Variants in NUCKS1 observed in about 807,000 individuals in gnomAD.
NUCKS1 encodes nuclear ubiquitous casein and cyclin-dependent kinase substrate 1.
A neutral mutation model predicts 33.0 loss-of-function variants in NUCKS1; 2 were observed. The ratio of observed to expected loss-of-function variants is 0.06; its 90% CI spans 0.02 to 0.19. The LOEUF is 0.19. Among genes scored for constraint, NUCKS1 ranks in the 10% least tolerant of loss-of-function variants. NUCKS1 has a pLI of 1.00. For missense variants in NUCKS1, 201 were observed against 293.6 expected (o/e 0.68, Z 2.31); for synonymous variants, 106 against 102.8 (o/e 1.03, Z -0.19).
At chr1:205,741,297 C>CAAAAAAAAAAAAAAAAAAAA (rs56979923) in intron 1 of NUCKS1, among the ~76,000 whole-genome samples, 12 of 78,916 alleles carry the variant, frequency 1.5e-4, no homozygotes, top group East Asian at 3.4e-4. Context: ...GAGACTGTCT[C>CAAAAAAAAAAAAAAAAAAAA]AAAAAAAAAA....
At position 205,747,997 on chromosome 1, in the gene NUCKS1, G is replaced by GA. The variant is rs1180510562; in HGVS notation, c.17+1959dup. On this transcript the variant is annotated intron_variant, in intron 1 of 6. Coordinates refer to ENST00000367142, the MANE Select transcript of NUCKS1 (RefSeq NM_022731.5). ...AAATTAATAATTTGAAAATGGCAAA[G>GA]AAAAAAAAAAACAGCCCACAACATA... is the stretch of plus-strand genomic sequence containing the variant. Among the ~76,000 whole-genome samples, 1,007 of 140,044 alleles carry GA rather than the reference G, an allele frequency of 7.2e-3. 6 individuals are homozygous for GA. The highest frequency in any genetic ancestry group is 0.019 in the African/African-American group (732 of 38,450). 91.9% of individuals were successfully genotyped at this position (140,044 alleles called of 152,430 possible).
chr1:205,738,232 T>C (rs1654075718), intron 1 of NUCKS1, among the ~76,000 whole-genome samples: 1 of 152,112 alleles, frequency 6.6e-6, no homozygotes, highest in Admixed American at 6.6e-5. Flanking sequence ...TCCATCATGT[T>C]GGCCAGGCTG....
Position 205,719,790 on chromosome 1 carries a change from TG to T in NUCKS1, c.383-115del, listed in dbSNP as rs886170299. 51 of 1,137,298 alleles carry T rather than the reference TG, an allele frequency of 4.5e-5. No homozygotes were observed. In the African/African-American group the frequency reaches 7.5e-4, roughly 17 times the overall value. 70.5% of individuals were successfully genotyped at this position (1,137,298 alleles called of 1,614,324 possible). A position where few individuals can be genotyped will look rare whatever the true frequency, so the allele number is the denominator to read the frequency against. Reference sequence around the variant, plus strand: ...ATGGGATTTGGGAGTCAAACACCCTTGGATTCTATTTGGAGCTGTACTACCA... The same window carrying T: ...ATGGGATTTGGGAGTCAAACACCCTTGATTCTATTTGGAGCTGTACTACCA... On this transcript the variant is annotated intron_variant, in intron 5 of 6. Coordinates refer to ENST00000367142, the MANE Select transcript of NUCKS1 (RefSeq NM_022731.5).
Position 205,750,015 on chromosome 1 carries a change from A to AGGGG in NUCKS1, c.-43_-42insCCCC. On this transcript the variant is annotated 5_prime_UTR_variant, in exon 1 of 7. Transcript: ENST00000367142. ...GGACCGAGTCGAGAAGCCAAAGACC[A>AGGGG]GGACCCCCCCCACCCCGCGCGCTCG... 1 of 1,506,272 alleles carries AGGGG rather than the reference A, an allele frequency of 6.6e-7. No homozygotes were observed. Among genetic ancestry groups the AGGGG allele is most frequent in the Non-Finnish European group, 9.0e-7 (1 of 1,114,418 alleles). The allele number at this position is 1,506,272 out of a possible 1,614,324, so 93.3% of individuals were successfully genotyped here. A position where few individuals can be genotyped will look rare whatever the true frequency, so the allele number is the denominator to read the frequency against.
intron 1 of NUCKS1, among the ~76,000 whole-genome samples, 162 bp downstream of exon 1, chr1:205,749,795 C>T (rs963432982): frequency 1.3e-5 from 2 of 151,166 alleles, no homozygotes; most frequent in Non-Finnish European, 3.0e-5. Flanking sequence ...CCCCCGCGCG[C>T]CAGCAGGGCC....
chr1:205,718,615 C>A, intron 6 of NUCKS1, 136 bp from the exon 7 acceptor site: 1 of 1,185,296 alleles, frequency 8.4e-7, no homozygotes. Context: ...AAGGTGGGCA[C>A]AAGGGAGCAC....
intron 3 of NUCKS1, among the ~76,000 whole-genome samples, chr1:205,727,473 T>C (rs764812846): frequency 3.3e-5 from 5 of 152,190 alleles, no homozygotes; most frequent in Admixed American, 6.6e-5. Context: ...GAATGAGATA[T>C]ATCACTTATT....
intron 1 of NUCKS1, among the ~76,000 whole-genome samples, chr1:205,738,440 ATTT>A (rs34617208): frequency 7.1e-6 from 1 of 140,760 alleles, no homozygotes; most frequent in Non-Finnish European, 1.5e-5. Flanking sequence ...TGCCCAGCTA[ATTT>A]TTTTTTTTTT....
Position 205,750,081 on chromosome 1 carries a change from C to G in NUCKS1, c.-108G>C. 9 of 1,079,602 alleles carry G rather than the reference C, an allele frequency of 8.3e-6. No homozygotes were observed. Among genetic ancestry groups the G allele is most frequent in the Non-Finnish European group, 1.2e-5 (9 of 780,432 alleles). 66.9% of individuals were successfully genotyped at this position (1,079,602 alleles called of 1,614,324 possible). A position where few individuals can be genotyped will look rare whatever the true frequency, so the allele number is the denominator to read the frequency against. On this transcript the variant is annotated 5_prime_UTR_variant, in exon 1 of 7. Coordinates refer to ENST00000367142, the MANE Select transcript of NUCKS1 (RefSeq NM_022731.5). ...CGAACTTCAGCCGATGGGACCGCTG[C>G]TGCCGAACCCCGAGCTGCTGGCTTC...
rs1671849011 is a variant in NUCKS1 at position 205,717,778 on chromosome 1, T to A, written c.*502A>T. The A allele has an allele frequency of 1.0e-6, 1 of 985,036 alleles. No individual in the cohort carries two copies. Among genetic ancestry groups the A allele is most frequent in the South Asian group, 4.7e-5 (1 of 21,282 alleles). The allele number at this position is 985,036 out of a possible 1,614,324, so 61.0% of individuals were successfully genotyped here. A position where few individuals can be genotyped will look rare whatever the true frequency, so the allele number is the denominator to read the frequency against. ...GTGTCTATAGACAAATAAACTCATA[T>A]TAGATGACAATTGATTTTTTAAAAG... On this transcript the variant is annotated 3_prime_UTR_variant, in exon 7 of 7. Transcript: ENST00000367142.
intron 1 of NUCKS1, among the ~76,000 whole-genome samples, chr1:205,743,301 TTG>T (rs1654227506): frequency 6.6e-6 from 1 of 152,220 alleles, no homozygotes; most frequent in Non-Finnish European, 1.5e-5. Flanking sequence ...GTAAAATGCT[TTG>T]TGACTGCAAG....
rs1302135371 is a variant in NUCKS1 at position 205,750,134 on chromosome 1, G to A, written c.-161C>T. ...AAACTCCGCTGCTCTTTGGTTCAGG[G>A]CTCCTGGAACAGACGAGCCCCCCGC... On this transcript the variant is annotated 5_prime_UTR_variant, in exon 1 of 7. Coordinates refer to ENST00000367142, the MANE Select transcript of NUCKS1 (RefSeq NM_022731.5). 2.2e-4 allele frequency: 162 copies of A among 748,588 alleles called. 1 individual carries two copies. In the South Asian group the frequency reaches 2.6e-3, roughly 12 times the overall value. 46.4% of individuals were successfully genotyped at this position (748,588 alleles called of 1,614,324 possible).
At chr1:205,748,911 C>T (rs1247523473) in intron 1 of NUCKS1, among the ~76,000 whole-genome samples, 1 of 152,178 alleles carries the variant, frequency 6.6e-6, no homozygotes, top group Admixed American at 6.5e-5. Context: ...TTTAAGGCCT[C>T]AACAGATTGG....
intron 1 of NUCKS1, among the ~76,000 whole-genome samples, chr1:205,733,846 C>T (rs1406514248): frequency 6.6e-6 from 1 of 152,154 alleles, no homozygotes; most frequent in Admixed American, 6.5e-5. Flanking sequence ...GACAGACCTA[C>T]CTACCTATCT....
chr1:205,742,547 G>A (rs1448345182), intron 1 of NUCKS1, among the ~76,000 whole-genome samples: 1 of 152,174 alleles, frequency 6.6e-6, no homozygotes, highest in Admixed American at 6.5e-5. Context: ...TCCTGGGGCC[G>A]GACGCTGTGG....
intron 5 of NUCKS1, 126 bp from the exon 6 acceptor site, chr1:205,719,802 G>C: frequency 1.0e-6 from 1 of 994,186 alleles, no homozygotes; most frequent in Admixed American, 3.1e-5. Flanking sequence ...GATTCTATTT[G>C]GAGCTGTACT....
In NUCKS1 at chr1:205,719,681, GAAGA is replaced by G; in HGVS notation, c.383-9_383-6del. 6.2e-7 allele frequency: 1 copy of G among 1,603,408 alleles called. No individual in the cohort carries two copies. The highest frequency in any genetic ancestry group is 8.5e-7 in the Non-Finnish European group (1 of 1,177,222). ...CTTCATCGCTGCCGGAATCTTCTGA[GAAGA>G]AAGAAGAATTTCAACATCTAACTTA... On this transcript the variant is annotated splice_polypyrimidine_tract_variant and splice_region_variant and intron_variant, in intron 5 of 6. Transcript: ENST00000367142.
intron 1 of NUCKS1, among the ~76,000 whole-genome samples, chr1:205,736,386 G>A (rs554910411): frequency 3.4e-4 from 52 of 152,194 alleles, no homozygotes; most frequent in African/African-American, 1.2e-3. Context: ...GGGAGATATG[G>A]TGGTGCTGAG....
In NUCKS1 at chr1:205,719,516, G is replaced by A. The variant is rs748209975; in HGVS notation, c.532+11C>T. The A allele has an allele frequency of 2.5e-6, 4 of 1,577,222 alleles. No homozygotes were observed. The Admixed American group carries it at 8.1e-5, about 32-fold the overall frequency. On this transcript the variant is annotated intron_variant, in intron 6 of 6. Transcript: ENST00000367142. The stretch of plus-strand genomic sequence containing the variant: ...AAGCAGTAAATTTAATTTCACTTCT[G>A]CAGAAATTACCTGTAGCCTTTAGTC...
Sources: gnomAD v4.1 joint callset for allele counts (sites outside exome capture counted in the v4.1 genomes callset) on GRCh38, gnomAD v4.1.1 for gene constraint, MANE v1.5 for transcripts, NCBI Gene and HGNC (gene_info 2026-07-23, HGNC 2026-07-21) for gene names.